Variants in LCMT1 observed in about 807,000 individuals in gnomAD.
LCMT1 encodes [Phosphatase 2A protein]-leucine-carboxy methyltransferase 1.
A neutral mutation model predicts 47.7 loss-of-function variants in LCMT1; 32 were observed. The observed-to-expected ratio is 0.67, with a 90% CI of 0.51 to 0.90. LCMT1 has a LOEUF of 0.90. Among genes scored for constraint, LCMT1 ranks in the 40% least tolerant of loss-of-function variants. The pLI, the probability that LCMT1 is intolerant of heterozygous loss-of-function variation, is 0.00. For synonymous variants in LCMT1, 152 were observed against 149.7 expected (o/e 1.02, Z -0.11); for missense variants, 375 against 415.2 (o/e 0.90, Z 0.84).
chr16:25,176,212 G>A (rs1961931007), intron 10 of LCMT1, among the ~76,000 whole-genome samples: 1 of 152,096 alleles, frequency 6.6e-6, no homozygotes. Flanking sequence ...GCTGCCCCCT[G>A]CTGGGCTTGC....
At position 25,170,457 on chromosome 16, in the gene LCMT1, G is replaced by T. The variant is rs936230806; in HGVS notation, c.793-257G>T. Among the ~76,000 whole-genome samples, 4 of 152,200 alleles carry T rather than the reference G, an allele frequency of 2.6e-5. No individual in the cohort carries two copies. In the South Asian group the frequency reaches 8.3e-4, roughly 32 times the overall value. On this transcript the variant is annotated intron_variant, in intron 8 of 10. Transcript: ENST00000399069. ...TGAGAAAGGAGTCGTCTCAGAGGAG[G>T]TCTGGTGTGCTTAAGAGCATTTCAG... is the stretch of plus-strand genomic sequence containing the variant.
chr16:25,156,186 C>T (rs892218675), intron 5 of LCMT1, among the ~76,000 whole-genome samples: 2 of 152,294 alleles, frequency 1.3e-5, no homozygotes, highest in East Asian at 1.9e-4. Context: ...CCCTTCCTGC[C>T]GCCTTATGTC....
chr16:25,122,298 CTGA>C (rs57704583), intron 1 of LCMT1, among the ~76,000 whole-genome samples: 150,617 of 151,558 alleles, frequency 0.99, 74,848 homozygotes, highest in Middle Eastern at 1. Flanking sequence ...ATCCTCTCTC[CTGA>C]TGATGATGAT....
intron 5 of LCMT1, among the ~76,000 whole-genome samples, chr16:25,153,801 A>G (rs1961151964): frequency 6.6e-6 from 1 of 151,910 alleles, no homozygotes. Flanking sequence ...AAAAATACAA[A>G]AATTAGCTGG....
chr16:25,152,655 T>C lies in LCMT1; in HGVS notation c.466+1040T>C, dbSNP rs1448656999. ...TAGAAGACGTGGTAACATTAGGCCA[T>C]GTAATATTACCACGATTTCTACATG... On this transcript the variant is annotated intron_variant, in intron 5 of 10. Transcript: ENST00000399069. Among the ~76,000 whole-genome samples, 7 of 152,194 alleles carry C rather than the reference T, an allele frequency of 4.6e-5. No individual in the cohort carries two copies. In the East Asian group the frequency reaches 1.3e-3, roughly 29 times the overall value.
At chr16:25,120,739 G>GTTTTTTTTTTTGT (rs1959952220) in intron 1 of LCMT1, among the ~76,000 whole-genome samples, 1 of 103,576 alleles carries the variant, frequency 9.7e-6, no homozygotes, top group Non-Finnish European at 2.0e-5. Context: ...TTGTTTTTTT[G>GTTTTTTTTTTTGT]TTTTTTTTTT....
intron 6 of LCMT1, among the ~76,000 whole-genome samples, chr16:25,163,521 ATCAT>A (rs575564160): frequency 1.5e-4 from 23 of 152,108 alleles, no homozygotes; most frequent in South Asian, 2.1e-4. Flanking sequence ...TACACATACA[ATCAT>A]TCATTTGTCT....
intron 7 of LCMT1, among the ~76,000 whole-genome samples, chr16:25,166,447 G>A (rs913978254): frequency 6.6e-6 from 1 of 152,024 alleles, no homozygotes; most frequent in Non-Finnish European, 1.5e-5. Context: ...TATCACCCAG[G>A]CTGGAGTGCA....
intron 3 of LCMT1, among the ~76,000 whole-genome samples, chr16:25,135,026 T>G (rs1173455186): frequency 6.6e-6 from 1 of 152,190 alleles, no homozygotes; most frequent in East Asian, 1.9e-4. Context: ...CCATTGGACC[T>G]GAGACCCCGT....
At chr16:25,121,881 G>A (rs770348079) in intron 1 of LCMT1, among the ~76,000 whole-genome samples, 1 of 152,180 alleles carries the variant, frequency 6.6e-6, no homozygotes, top group Non-Finnish European at 1.5e-5. Context: ...GGCATAGTAG[G>A]AGCATATTGT....
rs985892697 is a variant in LCMT1 at position 25,111,819 on chromosome 16, C to T, written c.-65C>T. 6 of 1,127,722 alleles carry T rather than the reference C, an allele frequency of 5.3e-6. No homozygotes were observed. The Admixed American group carries it at 5.9e-5, about 11-fold the overall frequency. The allele number at this position is 1,127,722 out of a possible 1,614,324, so 69.9% of individuals were successfully genotyped here. On this transcript the variant is annotated 5_prime_UTR_variant, in exon 1 of 11. Coordinates refer to ENST00000399069, the MANE Select transcript of LCMT1 (RefSeq NM_016309.3). ...TTTCTCCCTGTGGCTCGCGCCGTCC[C>T]CCGCCGCCCGTCGACCCCGCTTCCA...
At chr16:25,139,996 T>C (rs1960631518) in intron 3 of LCMT1, 175 bp from the exon 4 acceptor site, 2 of 592,570 alleles carry the variant, frequency 3.4e-6, no homozygotes, top group Non-Finnish European at 6.0e-6. Context: ...TCATCTGTGC[T>C]TGCTTCCCTC....
At chr16:25,157,447 C>G (rs149079148) in intron 5 of LCMT1, among the ~76,000 whole-genome samples, 33 of 151,952 alleles carry the variant, frequency 2.2e-4, no homozygotes, top group African/African-American at 8.0e-4. Flanking sequence ...CCCAGCTACA[C>G]AGGAAGCTGA....
chr16:25,135,124 T>A lies in LCMT1; in HGVS notation c.327+2601T>A, dbSNP rs560047992. ...CTGAGCCTCTTATTTATGAGCAAAG[T>A]AACCTGAGGCTTACGTACCCCTCCT... On this transcript the variant is annotated intron_variant, in intron 3 of 10. Coordinates refer to ENST00000399069, the MANE Select transcript of LCMT1 (RefSeq NM_016309.3). 1.2e-3 allele frequency among the ~76,000 whole-genome samples: 177 copies of A among 152,246 alleles called. 3 individuals are homozygous for A. In the South Asian group the frequency reaches 0.035, roughly 30 times the overall value.
At chr16:25,131,800 A>G (rs186407633) in intron 2 of LCMT1, among the ~76,000 whole-genome samples, 35 of 152,232 alleles carry the variant, frequency 2.3e-4, no homozygotes, top group African/African-American at 8.4e-4. Flanking sequence ...CTATCCTCCC[A>G]AGAAGCTGGG....
chr16:25,170,837 C>A, intron 9 of LCMT1, 32 bp downstream of exon 9: 1 of 1,424,470 alleles, frequency 7.0e-7, no homozygotes, highest in Non-Finnish European at 9.8e-7. Context: ...GCTTGATGGG[C>A]ATTCATTGTG....
At chr16:25,150,047 G>A (rs928669386) in intron 4 of LCMT1, among the ~76,000 whole-genome samples, 3 of 151,974 alleles carry the variant, frequency 2.0e-5, no homozygotes, top group South Asian at 2.1e-4. Flanking sequence ...GGGCCATTCC[G>A]AGTCTAGTAT....
chr16:25,125,961 C>G, intron 1 of LCMT1: 1 of 1,210,732 alleles, frequency 8.3e-7, no homozygotes, highest in Non-Finnish European at 1.1e-6. Context: ...TGTCTCCCTT[C>G]AGAACTGCCA....
intron 1 of LCMT1, among the ~76,000 whole-genome samples, chr16:25,123,905 G>A (rs947481815): frequency 1.1e-4 from 17 of 152,084 alleles, no homozygotes; most frequent in South Asian, 2.1e-4. Flanking sequence ...CACTACACCC[G>A]GCCTAATTTG....
Sources: allele counts gnomAD v4.1 joint callset (sites outside exome capture counted in the v4.1 genomes callset), GRCh38; gene constraint gnomAD v4.1.1; transcripts MANE v1.5; gene names NCBI Gene and HGNC (gene_info 2026-07-23, HGNC 2026-07-21).